Variants in YTHDF3 observed in about 807,000 individuals in gnomAD.
YTHDF3 encodes the protein YTH N6-methyladenosine RNA binding protein F3.
In YTHDF3, 9 loss-of-function variants were observed where a neutral mutation model predicts 52.5. The observed-to-expected ratio is 0.17, with a 90% CI of 0.10 to 0.30. YTHDF3 has a LOEUF of 0.30. Ranked by LOEUF, YTHDF3 falls within the 10% of genes least tolerant of loss-of-function variation. The probability of loss-of-function intolerance (pLI) is 1.00; values close to 1 mark genes in which losing one functional copy is unlikely to be tolerated. For synonymous variants in YTHDF3, 274 were observed against 243.3 expected (o/e 1.13, Z -1.18); for missense variants, 534 against 715.0 (o/e 0.75, Z 2.89).
chr8:63,172,204 TA>T (rs1236929254), intron 2 of YTHDF3, among the ~76,000 whole-genome samples: 17 of 152,330 alleles, frequency 1.1e-4, no homozygotes, highest in Admixed American at 5.9e-4. Flanking sequence ...CTTCGTATTT[TA>T]TTTTTTTATT....
At position 63,180,191 on chromosome 8, in the gene YTHDF3, G is replaced by A. The variant is rs187757410; in HGVS notation, c.135+4775G>A. ...TCACTTCTCAGACGGGGCGGCTTCC[G>A]GGCGGAGGGGCGCCTCACTTCTCAG... On this transcript the variant is annotated intron_variant, in intron 3 of 4. Transcript: ENST00000539294. Among the ~76,000 whole-genome samples the A allele has an allele frequency of 3.7e-3, 561 of 151,324 alleles. 1 individual carries two copies. The highest frequency in any genetic ancestry group is 6.8e-3 in the Non-Finnish European group (462 of 67,776).
In YTHDF3 at chr8:63,172,481, G is replaced by C. The variant is rs193213800; in HGVS notation, c.50-2850G>C. Among the ~76,000 whole-genome samples the C allele has an allele frequency of 3.2e-3, 494 of 152,254 alleles. 1 individual carries two copies. Among genetic ancestry groups the C allele is most frequent in the Non-Finnish European group, 5.0e-3 (338 of 68,012 alleles). On this transcript the variant is annotated intron_variant, in intron 2 of 4. Coordinates refer to ENST00000539294, the MANE Select transcript of YTHDF3 (RefSeq NM_152758.6). ...TTGGCTAAGTTTTAATTTTCGAAAA[G>C]TAGTGGAAAATGCCTTATATTTTGG... is the stretch of plus-strand genomic sequence containing the variant.
intron 3 of YTHDF3, among the ~76,000 whole-genome samples, chr8:63,180,597 C>T (rs1246463428): frequency 6.6e-6 from 1 of 152,212 alleles, no homozygotes; most frequent in African/African-American, 2.4e-5. Context: ...GCTGCAATCT[C>T]GGCACTTTGG....
intron 3 of YTHDF3, among the ~76,000 whole-genome samples, chr8:63,181,169 T>G (rs1433675609): frequency 6.6e-6 from 1 of 152,224 alleles, no homozygotes; most frequent in Non-Finnish European, 1.5e-5. Context: ...GGAAAGTAAG[T>G]TCTTAGCTAT....
At chr8:63,171,980 G>C (rs1408113884) in intron 2 of YTHDF3, among the ~76,000 whole-genome samples, 1 of 152,058 alleles carries the variant, frequency 6.6e-6, no homozygotes, top group Non-Finnish European at 1.5e-5. Flanking sequence ...AAGCCAAAAG[G>C]AATTCTAAAT....
At chr8:63,204,872 G>C (rs1318190206) in intron 4 of YTHDF3, among the ~76,000 whole-genome samples, 1 of 152,114 alleles carries the variant, frequency 6.6e-6, no homozygotes, top group African/African-American at 2.4e-5. Flanking sequence ...TGCTAATGGT[G>C]ATAAATCTAC....
chr8:63,183,902 TATA>T (rs1747173360), intron 3 of YTHDF3, among the ~76,000 whole-genome samples: 1 of 152,176 alleles, frequency 6.6e-6, no homozygotes, highest in African/African-American at 2.4e-5. Context: ...TATAAAATGG[TATA>T]ATAGTTAGTT....
chr8:63,209,331 C>A (rs1214071614), intron 4 of YTHDF3, among the ~76,000 whole-genome samples: 2 of 152,140 alleles, frequency 1.3e-5, no homozygotes. Context: ...CCTGCCCCTA[C>A]CTCAGCCAAT....
rs1353628123 is a variant in YTHDF3 at position 63,186,824 on chromosome 8, A to G, written c.813A>G (p.Lys271=). 3 of 1,613,800 alleles carry G rather than the reference A, an allele frequency of 1.9e-6. No homozygotes were observed. Among genetic ancestry groups the G allele is most frequent in the Non-Finnish European group, 2.5e-6 (3 of 1,179,882 alleles). The stretch of plus-strand genomic sequence containing the variant: ...CTGCTGTACCACCACCTCCTATAAA[A>G]CACAACATGAATATTGGAACTTGGG... ...GGSAVPPPPI[K]HNMNIGTWDE... is the part of the protein sequence containing the mutation. The change falls in exon 4 of 5, where the codon AAA becomes AAG. Residue 271 remains lysine, a synonymous_variant. Coordinates refer to ENST00000539294, the MANE Select transcript of YTHDF3 (RefSeq NM_152758.6).
chr8:63,180,538 C>T (rs1037791728), intron 3 of YTHDF3, among the ~76,000 whole-genome samples: 6 of 149,884 alleles, frequency 4.0e-5, no homozygotes, highest in Admixed American at 2.0e-4. Flanking sequence ...GATGGGCGGC[C>T]GGGCAGAGAC....
At chr8:63,196,006 C>T (rs527245741) in intron 4 of YTHDF3, among the ~76,000 whole-genome samples, 5 of 152,094 alleles carry the variant, frequency 3.3e-5, no homozygotes, top group East Asian at 3.9e-4. Flanking sequence ...TTTGCCATGT[C>T]GCCCAGGTTG....
At chr8:63,170,990 G>C (rs79524744) in intron 2 of YTHDF3, among the ~76,000 whole-genome samples, 3,555 of 152,204 alleles carry the variant, frequency 0.023, 132 homozygotes, top group African/African-American at 0.081. Flanking sequence ...TACATCCACT[G>C]TTTGCAAATA....
At chr8:63,199,925 A>G (rs537208657) in intron 4 of YTHDF3, among the ~76,000 whole-genome samples, 19 of 152,230 alleles carry the variant, frequency 1.2e-4, no homozygotes, top group African/African-American at 4.6e-4. Flanking sequence ...GTCTGTTGTG[A>G]ATTGCTGTCT....
intron 3 of YTHDF3, among the ~76,000 whole-genome samples, chr8:63,182,388 A>G (rs1808201551): frequency 6.6e-6 from 1 of 151,804 alleles, no homozygotes; most frequent in Non-Finnish European, 1.5e-5. Context: ...AATAGCTTTT[A>G]AAAGAGTTGC....
intron 3 of YTHDF3, among the ~76,000 whole-genome samples, chr8:63,185,803 GT>G (rs766121191): frequency 2.6e-5 from 4 of 152,134 alleles, no homozygotes; most frequent in Non-Finnish European, 4.4e-5. Context: ...GTAATTTTGT[GT>G]CCACAAAGTT....
chr8:63,172,728 G>A, intron 2 of YTHDF3: 2 of 1,224,098 alleles, frequency 1.6e-6, no homozygotes, highest in Non-Finnish European at 2.0e-6. Flanking sequence ...GAATCACCTG[G>A]CTCCTAAGGC....
chr8:63,175,150 G>A (rs1476318471), intron 2 of YTHDF3, among the ~76,000 whole-genome samples, 181 bp from the exon 3 acceptor site: 1 of 152,078 alleles, frequency 6.6e-6, no homozygotes, highest in Non-Finnish European at 1.5e-5. Flanking sequence ...AGACTTTTAA[G>A]TTTTTGTGGC....
At chr8:63,171,850 AC>A (rs746871107) in intron 2 of YTHDF3, among the ~76,000 whole-genome samples, 1 of 152,180 alleles carries the variant, frequency 6.6e-6, no homozygotes, top group African/African-American at 2.4e-5. Context: ...CAGTCAACTT[AC>A]TATAATTTCA....
At chr8:63,185,554 A>G (rs981847335) in intron 3 of YTHDF3, among the ~76,000 whole-genome samples, 3 of 152,230 alleles carry the variant, frequency 2.0e-5, no homozygotes, top group Admixed American at 2.0e-4. Context: ...GAACAAGGCA[A>G]AGCAAAACAA....
Sources: gnomAD v4.1 joint callset for allele counts (sites outside exome capture counted in the v4.1 genomes callset) on GRCh38, gnomAD v4.1.1 for gene constraint, MANE v1.5 for transcripts, NCBI Gene and HGNC (gene_info 2026-07-23, HGNC 2026-07-21) for gene names.